Variants in CDH18 observed in about 807,000 individuals in gnomAD.
The protein encoded by CDH18 is cadherin 18, also known as cadherin-18.
CDH18 carries 31 observed loss-of-function variants against 67.9 expected under a neutral mutation model. The ratio of observed to expected loss-of-function variants is 0.46; its 90% CI spans 0.34 to 0.62. The LOEUF (loss-of-function observed/expected upper bound fraction) is 0.62. CDH18 is among the 20% of genes least tolerant of loss of function. The pLI is 0.01. For synonymous variants in CDH18, 362 were observed against 347.2 expected (o/e 1.04, Z -0.48); for missense variants, 890 against 975.5 (o/e 0.91, Z 1.17).
chr5:20,414,456 G>C (rs187378751), intron 1 of CDH18, among the ~76,000 whole-genome samples: 1 of 152,128 alleles, frequency 6.6e-6, no homozygotes, highest in African/African-American at 2.4e-5. Flanking sequence ...ATAGACACTG[G>C]GCTTCCCAAA....
At chr5:20,089,545 T>C (rs1386659464) in intron 2 of CDH18, among the ~76,000 whole-genome samples, 1 of 152,118 alleles carries the variant, frequency 6.6e-6, no homozygotes, top group African/African-American at 2.4e-5. Flanking sequence ...CTTAGATAGA[T>C]TATGACAATA....
chr5:19,711,565 A>C (rs1764709313), intron 5 of CDH18, among the ~76,000 whole-genome samples: 1 of 152,000 alleles, frequency 6.6e-6, no homozygotes, highest in Non-Finnish European at 1.5e-5. Context: ...AAAAATGCTC[A>C]ACATCACTAT....
At chr5:19,630,600 G>A (rs1476004134) in intron 5 of CDH18, among the ~76,000 whole-genome samples, 1 of 152,030 alleles carries the variant, frequency 6.6e-6, no homozygotes, top group South Asian at 2.1e-4. Context: ...GCCTTGCTTC[G>A]CCCACTCACT....
chr5:20,460,438 A>T (rs908467738), intron 1 of CDH18, among the ~76,000 whole-genome samples: 3 of 146,946 alleles, frequency 2.0e-5, no homozygotes, highest in Non-Finnish European at 4.4e-5. Flanking sequence ...TAAATAAATA[A>T]ATAAAATATG....
At chr5:20,539,337 G>A (rs1756920293) in intron 1 of CDH18, among the ~76,000 whole-genome samples, 1 of 152,096 alleles carries the variant, frequency 6.6e-6, no homozygotes, top group Non-Finnish European at 1.5e-5. Flanking sequence ...TTTTGAACCT[G>A]TATAGCTTCC....
intron 2 of CDH18, among the ~76,000 whole-genome samples, chr5:20,044,675 A>C (rs1247898685): frequency 6.6e-6 from 1 of 152,258 alleles, no homozygotes; most frequent in African/African-American, 2.4e-5. Context: ...TGAATTGTAT[A>C]TTTTAGAAAA....
intron 1 of CDH18, among the ~76,000 whole-genome samples, chr5:20,561,442 C>G (rs1758205734): frequency 6.6e-6 from 1 of 151,962 alleles, no homozygotes; most frequent in Non-Finnish European, 1.5e-5. Flanking sequence ...AATGAGCTAT[C>G]AAACCAAAAA....
intron 6 of CDH18, among the ~76,000 whole-genome samples, chr5:19,602,157 T>C (rs1275612011): frequency 6.6e-6 from 1 of 152,084 alleles, no homozygotes; most frequent in African/African-American, 2.4e-5. Context: ...AGTAATACAA[T>C]TATCTCTGTT....
At chr5:20,456,508 T>TACA (rs1750844439) in intron 1 of CDH18, among the ~76,000 whole-genome samples, 1 of 152,172 alleles carries the variant, frequency 6.6e-6, no homozygotes, top group Non-Finnish European at 1.5e-5. Flanking sequence ...GATCATTCAT[T>TACA]GTAGGCTATC....
chr5:20,251,365 CGATA>C (rs1422887463), intron 2 of CDH18, among the ~76,000 whole-genome samples: 6 of 151,906 alleles, frequency 3.9e-5, no homozygotes, highest in Admixed American at 3.9e-4. Context: ...ATGCTCACAC[CGATA>C]GATAAAATTA....
At chr5:19,730,755 A>T (rs753991549) in intron 4 of CDH18, among the ~76,000 whole-genome samples, 3 of 110,414 alleles carry the variant, frequency 2.7e-5, no homozygotes, top group Non-Finnish European at 5.7e-5. Context: ...TTTCACACAG[A>T]AGTATTAAAT....
chr5:19,924,626 A>C (rs1397557969), intron 2 of CDH18, among the ~76,000 whole-genome samples: 1 of 152,178 alleles, frequency 6.6e-6, no homozygotes, highest in Non-Finnish European at 1.5e-5. Context: ...ACTCTGTCTC[A>C]AAACTAACAA....
At chr5:20,437,323 T>G (rs2150184773) in intron 1 of CDH18, among the ~76,000 whole-genome samples, 1 of 151,410 alleles carries the variant, frequency 6.6e-6, no homozygotes, top group African/African-American at 2.4e-5. Context: ...CTTGATAGAA[T>G]AAAATAGACT....
chr5:19,688,573 A>G (rs1396245948), intron 5 of CDH18, among the ~76,000 whole-genome samples: 1 of 152,182 alleles, frequency 6.6e-6, no homozygotes, highest in Non-Finnish European at 1.5e-5. Context: ...CCCAAAATGG[A>G]AGAAGTGACT....
At chr5:20,472,835 C>A (rs1176808824) in intron 1 of CDH18, among the ~76,000 whole-genome samples, 2 of 152,160 alleles carry the variant, frequency 1.3e-5, no homozygotes, top group Non-Finnish European at 1.5e-5. Flanking sequence ...ATACATGCAT[C>A]CCTCATAAAC....
chr5:20,173,033 T>C (rs1424675018), intron 2 of CDH18, among the ~76,000 whole-genome samples: 1 of 151,494 alleles, frequency 6.6e-6, no homozygotes. Flanking sequence ...ATATCCATTG[T>C]CTAATAAAAG....
At chr5:20,136,142 G>A (rs934928803) in intron 2 of CDH18, among the ~76,000 whole-genome samples, 11 of 152,048 alleles carry the variant, frequency 7.2e-5, no homozygotes, top group Non-Finnish European at 1.2e-4. Flanking sequence ...ATTCCTGGAT[G>A]TCCTTGTTAA....
chr5:20,570,568 A>G lies in CDH18; in HGVS notation c.-580+4894T>C, dbSNP rs368110804. Among the ~76,000 whole-genome samples the G allele has an allele frequency of 3.0e-4, 45 of 152,208 alleles. No individual in the cohort carries two copies. The East Asian group carries it at 3.5e-3, about 12-fold the overall frequency. ...CACTACTCTCTTTTACACCTTATTC[A>G]TATTATGATTAATAAAATCATGTTC... is the stretch of plus-strand genomic sequence containing the variant. On this transcript the variant is annotated intron_variant, in intron 1 of 14. Coordinates refer to the CDH18 transcript ENST00000507958.
intron 1 of CDH18, among the ~76,000 whole-genome samples, chr5:20,541,174 A>G (rs953265225): frequency 6.6e-6 from 1 of 152,210 alleles, no homozygotes; most frequent in Admixed American, 6.5e-5. Flanking sequence ...AGATTTCAAC[A>G]GTAGTATGAA....
Sources: gnomAD v4.1 joint callset for allele counts (sites outside exome capture counted in the v4.1 genomes callset) on GRCh38, gnomAD v4.1.1 for gene constraint, MANE v1.5 for transcripts, NCBI Gene and HGNC (gene_info 2026-07-23, HGNC 2026-07-21) for gene names.